The following PLD4 variants were observed in gnomAD, a reference collection of about 807,000 sequenced individuals.
PLD4 encodes 5'-3' exonuclease PLD4.
In PLD4, 54 loss-of-function variants were observed where a neutral mutation model predicts 52.3. That is an observed-to-expected ratio of 1.03 (90% CI 0.83 to 1.30). The LOEUF (loss-of-function observed/expected upper bound fraction) is 1.30. Among genes scored for constraint, PLD4 ranks in the 50% most tolerant of loss-of-function variants. The probability of loss-of-function intolerance (pLI) is 0.00; values close to 1 mark genes in which losing one functional copy is unlikely to be tolerated. For synonymous variants in PLD4, 264 were observed against 286.5 expected (o/e 0.92, Z 0.79); for missense variants, 731 against 671.1 (o/e 1.09, Z -0.99).
Position 104,928,870 on chromosome 14 carries a change from G to A in PLD4, c.406G>A (p.Ala136Thr). The A allele has an allele frequency of 1.2e-6, 2 of 1,612,168 alleles. No homozygotes were observed. The highest frequency in any genetic ancestry group is 1.3e-5 in the African/African-American group (1 of 75,046). Reference protein sequence around the residue: ...LDTAQESVHVASYYWSLTGPD... With the variant: ...LDTAQESVHVTSYYWSLTGPD... ...CACTGCCCAGGAGAGCGTCCACGTG[G>A]CTTCATACTACTGGTCCCTCACAGG... Residue 136 changes from alanine (A) to threonine (T), a missense_variant, in exon 4 of 11, where the codon GCT becomes ACT. By Grantham distance (58) the Ala-to-Thr change is moderately conservative. Transcript: ENST00000392593.
At chr14:104,926,808 G>A (rs558328936) in intron 1 of PLD4, among the ~76,000 whole-genome samples, 3 of 152,360 alleles carry the variant, frequency 2.0e-5, no homozygotes, top group Admixed American at 6.5e-5. Context: ...ACAGAAAGCC[G>A]GGGCATGTGG....
In PLD4 at chr14:104,931,881, C is replaced by G. The variant is rs753558914; in HGVS notation, c.1052C>G (p.Pro351Arg). Residue 351 changes from proline (P) to arginine (R), a missense_variant, in exon 8 of 11, where the codon CCC (proline) becomes CGC (arginine). Pro to Arg is a moderately radical substitution (Grantham distance 103). Transcript: ENST00000392593. ...TTCCCCACCACGCGCTTCAGCCACC[C>G]CCCGAGGTAGGTCTGAGTGGGAGGT... is the stretch of plus-strand genomic sequence containing the variant. Reference protein sequence around the residue: ...EYFPTTRFSHPPRYWPVLDNA... With the variant: ...EYFPTTRFSHRPRYWPVLDNA... 13 of 1,539,616 alleles carry G rather than the reference C, an allele frequency of 8.4e-6. No homozygotes were observed. Among genetic ancestry groups the G allele is most frequent in the Non-Finnish European group, 9.7e-6 (11 of 1,139,660 alleles).
Position 104,927,203 on chromosome 14 carries a change from C to A in PLD4, c.63C>A (p.Arg21=). The A allele has an allele frequency of 6.4e-7, 1 of 1,558,692 alleles. No homozygotes were observed. The highest frequency in any genetic ancestry group is 8.7e-7 in the Non-Finnish European group (1 of 1,151,714). ...APTWPCSMPP[R]RPWDREAGTL... Reference sequence around the variant, plus strand: ...CATGGCCATGCTCCATGCCGCCCCGCCGCCCGTGGGACAGAGAGGCTGGCA... The same window carrying A: ...CATGGCCATGCTCCATGCCGCCCCGACGCCCGTGGGACAGAGAGGCTGGCA... Residue 21 remains arginine, a synonymous_variant, in exon 2 of 11, where the codon CGC becomes CGA. Transcript: ENST00000392593.
chr14:104,932,174 C>G lies in PLD4; in HGVS notation c.1221C>G (p.Asp407Glu), dbSNP rs759025986. 4 of 1,611,352 alleles carry G rather than the reference C, an allele frequency of 2.5e-6. No individual in the cohort carries two copies. In the East Asian group the frequency reaches 6.7e-5, roughly 27 times the overall value. The change falls in exon 9 of 11, where the codon GAC (aspartate) becomes GAG (glutamate). Residue 407 changes from aspartate to glutamate, a missense_variant. Transcript: ENST00000392593. The surrounding 1 kb of genome is among the most constrained non-coding windows in gnomAD (Gnocchi z 6.5). ...ACCCCGCGGCCAACGTCTCTGTGGACGTGGTGAGGGCGTGCTCCCGGCCGG... is the reference window on the plus strand; with the variant it reads ...ACCCCGCGGCCAACGTCTCTGTGGAGGTGGTGAGGGCGTGCTCCCGGCCGG... ...LSNPAANVSV[D>E]VKVFIVPVGN...
At position 104,932,717 on chromosome 14, in the gene PLD4, G is replaced by C. The variant is rs772702434; in HGVS notation, c.1322-48G>C. 5.5e-6 allele frequency: 8 copies of C among 1,466,406 alleles called. No homozygotes were observed. The African/African-American group carries it at 1.1e-4, about 21-fold the overall frequency. The allele number at this position is 1,466,406 out of a possible 1,614,324, so 90.8% of individuals were successfully genotyped here. ...GCCTGGCGCTGAGCGGGCTGCAGAG[G>C]GGCCTGTGGGAGCCGGCGCCCCAGT... On this transcript the variant is annotated intron_variant, in intron 10 of 10. Coordinates refer to ENST00000392593, the MANE Select transcript of PLD4 (RefSeq NM_138790.5). The surrounding 1 kb of genome is among the most constrained non-coding windows in gnomAD (Gnocchi z 6.5).
At position 104,932,632 on chromosome 14, in the gene PLD4, G is replaced by A; in HGVS notation, c.1322-133G>A. ...CCGCACCTAAGCGAGGGGCTTCCCC[G>A]GCTGGAGTCTGATGACAGTGGAGGG... On this transcript the variant is annotated intron_variant, in intron 10 of 10. Transcript: ENST00000392593. The surrounding 1 kb of genome is among the most constrained non-coding windows in gnomAD (Gnocchi z 6.5). 1 of 987,896 alleles carries A rather than the reference G, an allele frequency of 1.0e-6. No homozygotes were observed. Among genetic ancestry groups the A allele is most frequent in the Non-Finnish European group, 1.5e-6 (1 of 680,114 alleles). 61.2% of individuals were successfully genotyped at this position (987,896 alleles called of 1,614,324 possible).
rs757496975 is a variant in PLD4, at chr14:104,932,214, G to A, written c.1224+37G>A. 3 of 1,612,314 alleles carry A rather than the reference G, an allele frequency of 1.9e-6. No homozygotes were observed. The highest frequency in any genetic ancestry group is 3.3e-5 in the Admixed American group (2 of 59,992). Reference sequence around the variant, plus strand: ...CTCCCGGCCGGGCGTGGGAAAGGCGGCCCTCCTGCCGCCCTTCCTGACGCG... The same window carrying A: ...CTCCCGGCCGGGCGTGGGAAAGGCGACCCTCCTGCCGCCCTTCCTGACGCG... On this transcript the variant is annotated intron_variant, in intron 9 of 10. Transcript: ENST00000392593. The surrounding 1 kb of genome is among the most constrained non-coding windows in gnomAD (Gnocchi z 6.5).
At chr14:104,927,601 G>A in intron 2 of PLD4, 72 bp from the exon 3 acceptor site, 2 of 1,436,374 alleles carry the variant, frequency 1.4e-6, no homozygotes, top group Non-Finnish European at 1.9e-6. Context: ...CAGCACTGGA[G>A]GGGCCATCGT....
At chr14:104,933,276 T>G, downstream of PLD4, 1 of 289,770 alleles carries the variant, frequency 3.5e-6, no homozygotes. Flanking sequence ...CGGCCCTTCA[T>G]CCTCTTGCCA....
chr14:104,936,086 AC>A (rs1354911771), downstream of PLD4: 1 of 152,168 alleles, frequency 6.6e-6, no homozygotes, highest in Admixed American at 6.5e-5. Flanking sequence ...CCACGCGAGA[AC>A]CCTGTGGGGG....
At chr14:104,930,704 G>T (rs1897612894) in intron 6 of PLD4, 38 bp from the exon 7 acceptor site, 1 of 1,608,512 alleles carries the variant, frequency 6.2e-7, no homozygotes. Flanking sequence ...CCCACAGAGG[G>T]GTTTTTCTCC....
chr14:104,935,794 T>G (rs902949633), downstream of PLD4: 1 of 152,140 alleles, frequency 6.6e-6, no homozygotes, highest in Non-Finnish European at 1.5e-5. Context: ...AGCAAGAAAC[T>G]GGGGCCCTCA....
In PLD4 at chr14:104,933,137, C is replaced by A; in HGVS notation, c.*173C>A. ...CCCGCCTGCTCTCTGATTTCCGAGT[C>A]CAGCCCCCCCTGAGCCCCACCTCCT... is the stretch of plus-strand genomic sequence containing the variant. On this transcript the variant is annotated 3_prime_UTR_variant, in exon 11 of 11. Coordinates refer to ENST00000392593, the MANE Select transcript of PLD4 (RefSeq NM_138790.5). The A allele has an allele frequency of 1.4e-6, 1 of 713,326 alleles. No individual in the cohort carries two copies. Among genetic ancestry groups the A allele is most frequent in the Non-Finnish European group, 2.2e-6 (1 of 461,594 alleles). 44.2% of individuals were successfully genotyped at this position (713,326 alleles called of 1,614,324 possible).
At position 104,932,077 on chromosome 14, in the gene PLD4, T is replaced by C; in HGVS notation, c.1124T>C (p.Leu375Pro). Reference protein sequence around the residue: ...AAFGKGVRVRLLVGCGLNTDP... With the variant: ...AAFGKGVRVRPLVGCGLNTDP... ...TTCGGCAAGGGCGTGCGCGTGCGCC[T>C]GCTGGTCGGCTGCGGACTCAACACG... is the stretch of plus-strand genomic sequence containing the variant. The change falls in exon 9 of 11, where the codon CTG becomes CCG. Residue 375 changes from leucine (L) to proline (P), a missense_variant. Coordinates refer to ENST00000392593, the MANE Select transcript of PLD4 (RefSeq NM_138790.5). The surrounding 1 kb of genome is among the most constrained non-coding windows in gnomAD (Gnocchi z 6.5). 1 of 1,609,722 alleles carries C rather than the reference T, an allele frequency of 6.2e-7. No homozygotes were observed.
Position 104,932,683 on chromosome 14 carries a change from C to T in PLD4, c.1322-82C>T. Reference sequence around the variant, plus strand: ...GCCAGCTGCCAACCGTCCCCAAACCCGTAGCCGGGCCTGGCGCTGAGCGGG... The same window carrying T: ...GCCAGCTGCCAACCGTCCCCAAACCTGTAGCCGGGCCTGGCGCTGAGCGGG... On this transcript the variant is annotated intron_variant, in intron 10 of 10. Coordinates refer to ENST00000392593, the MANE Select transcript of PLD4 (RefSeq NM_138790.5). The surrounding 1 kb of genome is among the most constrained non-coding windows in gnomAD (Gnocchi z 6.5). The T allele has an allele frequency of 1.5e-6, 2 of 1,371,664 alleles. No homozygotes were observed. The highest frequency in any genetic ancestry group is 1.5e-5 in the African/African-American group (1 of 68,224). 85.0% of individuals were successfully genotyped at this position (1,371,664 alleles called of 1,614,324 possible). A position where few individuals can be genotyped will look rare whatever the true frequency, so the allele number is the denominator to read the frequency against.
chr14:104,934,790 GGTACA>G (rs1431934687), downstream of PLD4: 1 of 152,160 alleles, frequency 6.6e-6, no homozygotes, highest in Non-Finnish European at 1.5e-5. Context: ...GTTCATCTCA[GGTACA>G]GTACAAGTTA....
Position 104,932,988 on chromosome 14 carries a change from G to C in PLD4, c.*24G>C. Reference sequence around the variant, plus strand: ...GAGGGGGGCCTCTTTTTCTCTCGGCGACCCCGCCCCGCACGCGCCCTCCCC... The same window carrying C: ...GAGGGGGGCCTCTTTTTCTCTCGGCCACCCCGCCCCGCACGCGCCCTCCCC... On this transcript the variant is annotated 3_prime_UTR_variant, in exon 11 of 11. Coordinates refer to ENST00000392593, the MANE Select transcript of PLD4 (RefSeq NM_138790.5). This position sits in a 1 kb window ranked among gnomAD's most constrained non-coding sequence, Gnocchi z 6.5. The C allele has an allele frequency of 1.3e-6, 2 of 1,532,266 alleles. No individual in the cohort carries two copies. Among genetic ancestry groups the C allele is most frequent in the South Asian group, 2.4e-5 (2 of 83,426 alleles). 94.9% of individuals were successfully genotyped at this position (1,532,266 alleles called of 1,614,324 possible). A position where few individuals can be genotyped will look rare whatever the true frequency, so the allele number is the denominator to read the frequency against.
intron 3 of PLD4, 91 bp from the exon 4 acceptor site, chr14:104,928,658 G>A: frequency 7.4e-7 from 1 of 1,356,610 alleles, no homozygotes. Flanking sequence ...AGCAACGGTT[G>A]CTCTGGCTTG....
intron 3 of PLD4, 95 bp downstream of exon 3, chr14:104,927,961 C>G: frequency 2.3e-6 from 3 of 1,328,962 alleles, no homozygotes; most frequent in Non-Finnish European, 3.0e-6. Flanking sequence ...ATAAGGGGGG[C>G]CCTCTACCAG....
Sources: allele counts gnomAD v4.1 joint callset (sites outside exome capture counted in the v4.1 genomes callset), GRCh38; gene constraint gnomAD v4.1.1; non-coding constraint Gnocchi (gnomAD v3.1); transcripts MANE v1.5; gene names NCBI Gene and HGNC (gene_info 2026-07-23, HGNC 2026-07-21).